The following SBF2 variants were observed in gnomAD, a reference collection of about 807,000 sequenced individuals.
SBF2 encodes the protein myotubularin-related protein 13.
Under a neutral mutation model 225.2 loss-of-function variants are expected in SBF2, and 112 were observed. That is an observed-to-expected ratio of 0.50 (90% CI 0.43 to 0.58). SBF2 has a LOEUF of 0.58. SBF2 is among the 20% of genes least tolerant of loss of function. SBF2 has a pLI of 0.00. For synonymous variants in SBF2, 763 were observed against 773.3 expected, an observed-to-expected ratio of 0.99 and a Z score of 0.22; for missense variants, 1,996 against 2,206.2, an observed-to-expected ratio of 0.90 and a Z score of 1.91.
At chr11:10,248,700 G>A (rs1960036671) in intron 1 of SBF2, among the ~76,000 whole-genome samples, 1 of 152,218 alleles carries the variant, frequency 6.6e-6, no homozygotes, top group Admixed American at 6.5e-5. Flanking sequence ...ATGGGAATGT[G>A]AATTTTTTGC....
chr11:10,175,220 T>C (rs1009316216), intron 2 of SBF2, among the ~76,000 whole-genome samples: 13 of 151,522 alleles, frequency 8.6e-5, no homozygotes, highest in South Asian at 2.1e-4. Flanking sequence ...GACTGGCAAA[T>C]TGGATAAAGA....
At chr11:9,984,318 A>G (rs552473272) in intron 13 of SBF2, among the ~76,000 whole-genome samples, 6 of 152,324 alleles carry the variant, frequency 3.9e-5, no homozygotes, top group African/African-American at 1.4e-4. Flanking sequence ...CTGAACAAGT[A>G]GAAGAAAGAA....
chr11:10,248,121 C>A (rs1178354132), intron 1 of SBF2, among the ~76,000 whole-genome samples: 1 of 151,990 alleles, frequency 6.6e-6, no homozygotes, highest in African/African-American at 2.4e-5. Flanking sequence ...TAAGGCCTGG[C>A]GACCTGTGAA....
chr11:9,817,162 G>A, intron 28 of SBF2, 138 bp from the exon 29 acceptor site: 1 of 848,458 alleles, frequency 1.2e-6, no homozygotes, highest in Non-Finnish European at 2.0e-6. Flanking sequence ...AAGTCATATG[G>A]TCATTTGCTA....
chr11:10,014,959 G>C (rs774486241), intron 6 of SBF2, among the ~76,000 whole-genome samples: 1 of 151,842 alleles, frequency 6.6e-6, no homozygotes, highest in African/African-American at 2.4e-5. Flanking sequence ...GTGAAATCCC[G>C]TCTTTACTAA....
Position 9,832,418 on chromosome 11 carries a change from T to C in SBF2, c.3458A>G (p.Tyr1153Cys). 1 of 1,611,250 alleles carries C rather than the reference T, an allele frequency of 6.2e-7. No individual in the cohort carries two copies. Among genetic ancestry groups the C allele is most frequent in the Non-Finnish European group, 8.5e-7 (1 of 1,177,740 alleles). The change falls in exon 27 of 40, where the codon TAT (tyrosine) becomes TGT (cysteine). Residue 1153 changes from tyrosine (Y) to cysteine (C), a missense_variant and splice_region_variant. By Grantham distance (194) the Tyr-to-Cys change is radical. Coordinates refer to ENST00000256190, the MANE Select transcript of SBF2 (RefSeq NM_030962.4). ...SNRMYSLCRS[Y>C]PGLLVVPQAV... The stretch of plus-strand genomic sequence containing the variant: ...TTGAGGTACGACTAAAAGGCCAGGA[T>C]AGCTTCAGAGACATAGAATAGAGAA...
intron 16 of SBF2, chr11:9,958,333 A>AAAG (rs1480023382): frequency 6.6e-6 from 1 of 152,168 alleles, no homozygotes; most frequent in Non-Finnish European, 1.5e-5. Flanking sequence ...AGGAATTTAA[A>AAAG]AAGACCCTCA....
At chr11:9,870,351 C>T (rs1858621783) in intron 17 of SBF2, among the ~76,000 whole-genome samples, 1 of 152,140 alleles carries the variant, frequency 6.6e-6, no homozygotes, top group South Asian at 2.1e-4. Flanking sequence ...TTAGAAAATA[C>T]TATATTAAAA....
At chr11:10,231,745 CT>C (rs1412856583) in intron 1 of SBF2, among the ~76,000 whole-genome samples, 1 of 152,200 alleles carries the variant, frequency 6.6e-6, no homozygotes, top group Non-Finnish European at 1.5e-5. Context: ...AGTTAGGCTA[CT>C]CAGGGGTCAG....
chr11:10,279,498 A>T (rs1373974215), intron 1 of SBF2, among the ~76,000 whole-genome samples: 1 of 151,926 alleles, frequency 6.6e-6, no homozygotes, highest in Admixed American at 6.6e-5. Flanking sequence ...TTAAAAGCTT[A>T]CCCTGAAACT....
At chr11:9,904,510 AT>A (rs1278733650) in intron 16 of SBF2, among the ~76,000 whole-genome samples, 3 of 152,226 alleles carry the variant, frequency 2.0e-5, no homozygotes, top group Admixed American at 1.3e-4. Context: ...ATGCTAAAAT[AT>A]TTTAATATAC....
At chr11:10,076,813 A>G (rs1774719129) in intron 2 of SBF2, among the ~76,000 whole-genome samples, 1 of 152,288 alleles carries the variant, frequency 6.6e-6, no homozygotes, top group African/African-American at 2.4e-5. Flanking sequence ...CAGGGGCCTG[A>G]GAACTGCTTT....
At chr11:10,275,443 C>G (rs1396344552) in intron 1 of SBF2, among the ~76,000 whole-genome samples, 1 of 152,160 alleles carries the variant, frequency 6.6e-6, no homozygotes, top group Non-Finnish European at 1.5e-5. Flanking sequence ...TTCCTACTTA[C>G]ACAAGATAAA....
In SBF2 at chr11:10,001,002, A is replaced by G. The variant is rs1947931777; in HGVS notation, c.773T>C (p.Leu258Pro). The change falls in exon 8 of 40, where the codon CTC (leucine) becomes CCC (proline). Residue 258 changes from leucine (L) to proline (P), a missense_variant. By Grantham distance (98) the Leu-to-Pro change is moderately conservative (BLOSUM62 -3). Coordinates refer to ENST00000256190, the MANE Select transcript of SBF2 (RefSeq NM_030962.4). ...TAGAACTTCCAGTAGCTGAGCCGGG[A>G]GAATAGGGATATAAGGATAACTGGA... ...LKYSYPYIPI[L>P]PAQLLEVLSS... The G allele has an allele frequency of 5.0e-6, 8 of 1,585,898 alleles. No homozygotes were observed. The highest frequency in any genetic ancestry group is 5.2e-6 in the Non-Finnish European group (6 of 1,154,414).
At chr11:10,160,313 C>T (rs946685204) in intron 2 of SBF2, among the ~76,000 whole-genome samples, 1 of 152,156 alleles carries the variant, frequency 6.6e-6, no homozygotes, top group African/African-American at 2.4e-5. Flanking sequence ...CAAACTATAC[C>T]TTTTTCTATA....
At chr11:10,105,676 GCT>G (rs1952514404) in intron 2 of SBF2, among the ~76,000 whole-genome samples, 1 of 152,186 alleles carries the variant, frequency 6.6e-6, no homozygotes, top group Non-Finnish European at 1.5e-5. Flanking sequence ...TCAAACACTT[GCT>G]CTCTTAGTCT....
chr11:9,983,446 GCTCAGA>G (rs1167541742), intron 13 of SBF2, among the ~76,000 whole-genome samples: 1 of 152,096 alleles, frequency 6.6e-6, no homozygotes, highest in African/African-American at 2.4e-5. Context: ...GAGAATCTGA[GCTCAGA>G]CAGGCCTAGC....
intron 13 of SBF2, among the ~76,000 whole-genome samples, chr11:9,970,210 A>ATT (rs1172096180): frequency 7.2e-6 from 1 of 138,826 alleles, no homozygotes; most frequent in Non-Finnish European, 1.6e-5. Context: ...CATATATCCT[A>ATT]TTTTTTTTTT....
At chr11:10,032,798 T>C (rs1015668512) in intron 3 of SBF2, among the ~76,000 whole-genome samples, 2 of 152,266 alleles carry the variant, frequency 1.3e-5, no homozygotes, top group African/African-American at 2.4e-5. Context: ...GCTAGGCCCA[T>C]AGCTGATACT....
Sources: gnomAD v4.1 joint callset for allele counts (sites outside exome capture counted in the v4.1 genomes callset) on GRCh38, gnomAD v4.1.1 for gene constraint, MANE v1.5 for transcripts, NCBI Gene and HGNC (gene_info 2026-07-23, HGNC 2026-07-21) for gene names.